Variants in B3GAT2 observed in about 807,000 individuals in gnomAD.
The protein encoded by B3GAT2 is galactosylgalactosylxylosylprotein 3-beta-glucuronosyltransferase 2.
In B3GAT2, 26 loss-of-function variants were observed where a neutral mutation model predicts 27.8. The observed-to-expected ratio is 0.93, with a 90% CI of 0.68 to 1.30. The LOEUF is 1.30. B3GAT2 is among the 50% of genes most tolerant of loss of function. The probability of loss-of-function intolerance (pLI) is 0.00; values close to 1 mark genes in which losing one functional copy is unlikely to be tolerated. For synonymous variants in B3GAT2, 218 were observed against 195.1 expected (o/e 1.12, Z -0.98); for missense variants, 458 against 459.0 (o/e 1.00, Z 0.02).
chr6:70,936,231 A>G (rs1223465692), intron 1 of B3GAT2, among the ~76,000 whole-genome samples: 1 of 152,156 alleles, frequency 6.6e-6, no homozygotes, highest in African/African-American at 2.4e-5. Flanking sequence ...CACCCAATAC[A>G]GGAGCACCCA....
intron 2 of B3GAT2, among the ~76,000 whole-genome samples, chr6:70,889,977 T>G (rs1295616361): frequency 6.6e-6 from 1 of 152,044 alleles, no homozygotes; most frequent in Non-Finnish European, 1.5e-5. Flanking sequence ...AGACGGGGTT[T>G]CACCATGTTG....
At chr6:70,953,617 C>T (rs546703289) in intron 1 of B3GAT2, among the ~76,000 whole-genome samples, 2 of 152,158 alleles carry the variant, frequency 1.3e-5, no homozygotes, top group African/African-American at 4.8e-5. Context: ...GTATGTCATG[C>T]CTATTATGCT....
At chr6:70,941,811 T>C (rs111442855) in intron 1 of B3GAT2, among the ~76,000 whole-genome samples, 2,098 of 152,272 alleles carry the variant, frequency 0.014, 31 homozygotes, top group African/African-American at 0.032. Context: ...CAAAAAATAT[T>C]TAATAAGCAT....
chr6:70,942,325 G>A lies in B3GAT2; in HGVS notation c.591+13514C>T, dbSNP rs527661630. ...GAGAACAGCACTTTGACATGCAGAA[G>A]ATGGAAAAGTGGCTGCCTATTTCTC... On this transcript the variant is annotated intron_variant, in intron 1 of 3. Transcript: ENST00000230053. Among the ~76,000 whole-genome samples, 47 of 152,250 alleles carry A rather than the reference G, an allele frequency of 3.1e-4. 1 individual carries two copies. The South Asian group carries it at 8.3e-3, about 27-fold the overall frequency.
chr6:70,942,698 G>T (rs550545634), intron 1 of B3GAT2, among the ~76,000 whole-genome samples: 1 of 152,264 alleles, frequency 6.6e-6, no homozygotes, highest in African/African-American at 2.4e-5. Context: ...ACTTAATTAA[G>T]CACAGTGCCT....
intron 1 of B3GAT2, among the ~76,000 whole-genome samples, chr6:70,954,752 CA>C (rs1416014119): frequency 6.6e-6 from 1 of 152,152 alleles, no homozygotes; most frequent in African/African-American, 2.4e-5. Context: ...CACAGGGCGT[CA>C]AATCAATCAA....
At chr6:70,920,091 TGTG>T (rs1772842503) in intron 1 of B3GAT2, among the ~76,000 whole-genome samples, 6 of 150,966 alleles carry the variant, frequency 4.0e-5, no homozygotes, top group Admixed American at 6.6e-5. Flanking sequence ...TTGTTTACGC[TGTG>T]AGCATAGAAC....
chr6:70,902,990 T>A (rs575869212), intron 1 of B3GAT2, among the ~76,000 whole-genome samples: 1 of 152,216 alleles, frequency 6.6e-6, no homozygotes, highest in Admixed American at 6.5e-5. Context: ...CTATAGTTAA[T>A]ATATTATATA....
chr6:70,940,318 G>A (rs1426804787), intron 1 of B3GAT2, among the ~76,000 whole-genome samples: 2 of 152,134 alleles, frequency 1.3e-5, no homozygotes, highest in Non-Finnish European at 2.9e-5. Context: ...TCAGGCACTT[G>A]AAGCCCAGCA....
At chr6:70,934,708 GA>G (rs1333318038) in intron 1 of B3GAT2, among the ~76,000 whole-genome samples, 1 of 152,146 alleles carries the variant, frequency 6.6e-6, no homozygotes, top group Non-Finnish European at 1.5e-5. Flanking sequence ...ACTGCTGTAA[GA>G]AAATGATTCC....
intron 1 of B3GAT2, among the ~76,000 whole-genome samples, chr6:70,900,155 A>T (rs1009036977): frequency 1.3e-5 from 2 of 152,238 alleles, no homozygotes; most frequent in Non-Finnish European, 2.9e-5. Context: ...GATAACCTCC[A>T]GCTAAATGGA....
intron 1 of B3GAT2, among the ~76,000 whole-genome samples, chr6:70,913,071 T>C (rs1486206613): frequency 1.3e-5 from 2 of 152,186 alleles, no homozygotes; most frequent in African/African-American, 2.4e-5. Flanking sequence ...TTTTGATTAG[T>C]ATAATCAGTG....
chr6:70,942,556 AC>A (rs1221102939), intron 1 of B3GAT2, among the ~76,000 whole-genome samples: 4 of 152,014 alleles, frequency 2.6e-5, no homozygotes, highest in Non-Finnish European at 5.9e-5. Flanking sequence ...TCCATTAGGG[AC>A]CTCTGCTTTA....
At position 70,943,305 on chromosome 6, in the gene B3GAT2, C is replaced by T. The variant is rs546413224; in HGVS notation, c.591+12534G>A. On this transcript the variant is annotated intron_variant, in intron 1 of 3. Coordinates refer to ENST00000230053, the MANE Select transcript of B3GAT2 (RefSeq NM_080742.3). ...GAGCAGTCAAATGAACCTGGTAGTG[C>T]TGCCTGCAGCAGCCAACATAAGGGG... 2.0e-5 allele frequency among the ~76,000 whole-genome samples: 3 copies of T among 152,316 alleles called. No homozygotes were observed. In the South Asian group the frequency reaches 6.2e-4, roughly 32 times the overall value.
rs547893705 is a variant in B3GAT2, at chr6:70,858,234, G to A, written c.*3429C>T. On this transcript the variant is annotated 3_prime_UTR_variant, in exon 4 of 4. Transcript: ENST00000230053. ...CCCCAGTGGAGCCTCTCACAGGTAG[G>A]GGTCATTTACTTTCTAGCTTCTCCC... 15 of 1,607,072 alleles carry A rather than the reference G, an allele frequency of 9.3e-6. No homozygotes were observed. The highest frequency in any genetic ancestry group is 3.4e-5 in the Admixed American group (2 of 59,536).
intron 1 of B3GAT2, among the ~76,000 whole-genome samples, chr6:70,946,426 C>T (rs1008504941): frequency 7.2e-5 from 11 of 151,908 alleles, no homozygotes; most frequent in African/African-American, 2.4e-4. Flanking sequence ...GCAGGGGTTG[C>T]AATCCTAGTC....
Position 70,858,301 on chromosome 6 carries a change from T to G in B3GAT2, c.*3362A>C. 2.0e-4 allele frequency: 266 copies of G among 1,322,942 alleles called. No homozygotes were observed. The highest frequency in any genetic ancestry group is 8.1e-4 in the East Asian group (31 of 38,402). The allele number at this position is 1,322,942 out of a possible 1,614,324, so 82.0% of individuals were successfully genotyped here. ...ATTTTCTAAATCTTTTTTTTTTTTT[T>G]TTTTTTTTTTTTTTAAGTCTAGTGA... is the stretch of plus-strand genomic sequence containing the variant. On this transcript the variant is annotated 3_prime_UTR_variant, in exon 4 of 4. Coordinates refer to ENST00000230053, the MANE Select transcript of B3GAT2 (RefSeq NM_080742.3).
At chr6:70,944,291 C>T (rs181743912) in intron 1 of B3GAT2, among the ~76,000 whole-genome samples, 7 of 152,236 alleles carry the variant, frequency 4.6e-5, no homozygotes, top group Admixed American at 2.0e-4. Context: ...ACTCGGGAAG[C>T]GCAAGGGGTC....
chr6:70,861,675 T>G lies in B3GAT2; in HGVS notation c.960A>C (p.Lys320Asn), dbSNP rs1771735537. Residue 320 changes from lysine (K) to asparagine (N), a missense_variant, in exon 4 of 4, where the codon AAA becomes AAC. By Grantham distance (94) the Lys-to-Asn change is moderately conservative (BLOSUM62 0). Transcript: ENST00000230053. ...TTGCTGCTTCAATTTATACCTCAAT[T>G]TTCACTGTGTCCAGGTGGTACTTTG... ...NEPKYHLDTV[K>N]IEV is the part of the protein sequence containing the mutation. 3 of 1,613,516 alleles carry G rather than the reference T, an allele frequency of 1.9e-6. No homozygotes were observed. In the African/African-American group the frequency reaches 4.0e-5, roughly 22 times the overall value.
Sources: gnomAD v4.1 joint callset for allele counts (sites outside exome capture counted in the v4.1 genomes callset) on GRCh38, gnomAD v4.1.1 for gene constraint, MANE v1.5 for transcripts, NCBI Gene and HGNC (gene_info 2026-07-23, HGNC 2026-07-21) for gene names.